ZNF585B: variants seen among roughly 807,000 people sequenced by gnomAD.
The protein encoded by ZNF585B is zinc finger protein 585B.
In ZNF585B, 7 loss-of-function variants were observed where a neutral mutation model predicts 14.0. That is an observed-to-expected ratio of 0.50 (90% CI 0.28 to 0.94). ZNF585B has a LOEUF of 0.94. Among genes scored for constraint, ZNF585B ranks in the 40% least tolerant of loss-of-function variants. The pLI is 0.09. For missense variants in ZNF585B, 750 were observed against 924.4 expected (o/e 0.81, Z 2.45); for synonymous variants, 290 against 317.3 (o/e 0.91, Z 0.91).
At chr19:37,209,174 G>C (rs1972618944) in intron 1 of ZNF585B, among the ~76,000 whole-genome samples, 1 of 151,996 alleles carries the variant, frequency 6.6e-6, no homozygotes, top group South Asian at 2.1e-4. Flanking sequence ...GCATGATCTT[G>C]GCTCACTGCG....
Position 37,184,924 on chromosome 19 carries a change from A to G in ZNF585B, c.*303T>C, listed in dbSNP as rs1172558752. The G allele has an allele frequency of 1.5e-5, 7 of 456,450 alleles. No homozygotes were observed. The highest frequency in any genetic ancestry group is 2.7e-5 in the Non-Finnish European group (7 of 260,770). The allele number at this position is 456,450 out of a possible 1,614,324, so 28.3% of individuals were successfully genotyped here. On this transcript the variant is annotated 3_prime_UTR_variant, in exon 5 of 5. Coordinates refer to ENST00000532828, the MANE Select transcript of ZNF585B (RefSeq NM_152279.4). ...TCATTCCCATAATATGATCTTTCTT[A>G]TGAAGAATTTGGTAACAGTATTCTA... is the stretch of plus-strand genomic sequence containing the variant.
chr19:37,189,700 A>C lies in ZNF585B; in HGVS notation c.253T>G (p.Trp85Gly). 6.2e-7 allele frequency: 1 copy of C among 1,613,728 alleles called. No homozygotes were observed. Among genetic ancestry groups the C allele is most frequent in the Non-Finnish European group, 8.5e-7 (1 of 1,180,002 alleles). The change falls in exon 4 of 5, where the codon TGG (tryptophan) becomes GGG (glycine). Residue 85 changes from tryptophan to glycine, a missense_variant. Physicochemically the swap from Trp to Gly is radical, Grantham distance 184. Transcript: ENST00000532828. Reference protein sequence around the residue: ...VVMLEQGKEPWALQGERPRHS... With the variant: ...VVMLEQGKEPGALQGERPRHS... Reference sequence around the variant, plus strand: ...CGTGGCCTCTCACCCTGCAGTGCCCATGGTTCCTTTCCTTGCTCCAACATG... The same window carrying C: ...CGTGGCCTCTCACCCTGCAGTGCCCCTGGTTCCTTTCCTTGCTCCAACATG...
intron 4 of ZNF585B, among the ~76,000 whole-genome samples, chr19:37,187,884 T>C (rs189658610): frequency 2.6e-5 from 4 of 152,234 alleles, no homozygotes; most frequent in Non-Finnish European, 2.9e-5. Flanking sequence ...GATAACACCA[T>C]GGATAGACAT....
At chr19:37,203,307 C>T (rs1388510347) in intron 2 of ZNF585B, among the ~76,000 whole-genome samples, 1 of 151,854 alleles carries the variant, frequency 6.6e-6, no homozygotes, top group South Asian at 2.1e-4. Context: ...CTTTACCACA[C>T]GAACTTTAAA....
chr19:37,208,783 G>A (rs1972614117), intron 1 of ZNF585B, among the ~76,000 whole-genome samples: 1 of 152,160 alleles, frequency 6.6e-6, no homozygotes, highest in Non-Finnish European at 1.5e-5. Context: ...CTTGAGGCCA[G>A]GAGTTCGAGA....
intron 2 of ZNF585B, among the ~76,000 whole-genome samples, chr19:37,201,089 C>CA (rs34379718): frequency 0.44 from 46,974 of 106,398 alleles, 8,943 homozygotes; most frequent in African/African-American, 0.54. Flanking sequence ...GACTCCGTCT[C>CA]AAAAAAAAAA....
intron 4 of ZNF585B, among the ~76,000 whole-genome samples, chr19:37,188,346 C>G (rs915294266): frequency 6.6e-6 from 1 of 152,104 alleles, no homozygotes; most frequent in Non-Finnish European, 1.5e-5. Context: ...GTTAGCTGGG[C>G]GTGGTGGCTC....
chr19:37,188,822 T>C (rs1034872661), intron 4 of ZNF585B, among the ~76,000 whole-genome samples: 2 of 152,114 alleles, frequency 1.3e-5, no homozygotes, highest in African/African-American at 4.8e-5. Context: ...TAAGTGACAA[T>C]GATTCCCAAG....
intron 2 of ZNF585B, among the ~76,000 whole-genome samples, chr19:37,201,940 G>T (rs1204897122): frequency 6.6e-6 from 1 of 151,990 alleles, no homozygotes; most frequent in Admixed American, 6.6e-5. Context: ...TTTGACTTTG[G>T]ACTGGGCTGC....
intron 3 of ZNF585B, 40 bp downstream of exon 3, chr19:37,189,984 A>G: frequency 6.2e-7 from 1 of 1,609,348 alleles, no homozygotes; most frequent in Non-Finnish European, 8.5e-7. Context: ...AAACACTCTC[A>G]GTGAGGCCTC....
intron 2 of ZNF585B, among the ~76,000 whole-genome samples, chr19:37,193,595 C>A (rs953423669): frequency 6.6e-6 from 1 of 151,832 alleles, no homozygotes; most frequent in Non-Finnish European, 1.5e-5. Context: ...CCAGGCAACA[C>A]AGTGAGACCC....
chr19:37,209,244 A>C (rs922202134), intron 1 of ZNF585B, among the ~76,000 whole-genome samples: 2 of 151,964 alleles, frequency 1.3e-5, no homozygotes, highest in African/African-American at 4.8e-5. Context: ...AGTTGGGATT[A>C]CAGGCACCCA....
chr19:37,187,122 A>T lies in ZNF585B; in HGVS notation c.415T>A (p.Phe139Ile), dbSNP rs1262484772. 8 of 1,613,974 alleles carry T rather than the reference A, an allele frequency of 5.0e-6. No individual in the cohort carries two copies. The African/African-American group carries it at 1.1e-4, about 22-fold the overall frequency. The change falls in exon 5 of 5, where the codon TTC becomes ATC. Residue 139 changes from phenylalanine to isoleucine, a missense_variant. By Grantham distance (21) the Phe-to-Ile change is conservative (BLOSUM62 0). Coordinates refer to ENST00000532828, the MANE Select transcript of ZNF585B (RefSeq NM_152279.4). ...ACCTTGAACTGTGACTTCCAGGTGA[A>T]GCTCTTTCCAAATTCAGCACACTCA... ...SYECAEFGKS[F>I]TWKSQFKVHL...
At chr19:37,191,786 C>A (rs2145434854) in intron 2 of ZNF585B, among the ~76,000 whole-genome samples, 1 of 152,206 alleles carries the variant, frequency 6.6e-6, no homozygotes, top group East Asian at 1.9e-4. Flanking sequence ...GTAATCCCAT[C>A]ACTTTGGGAC....
intron 2 of ZNF585B, among the ~76,000 whole-genome samples, chr19:37,203,616 G>A (rs917497168): frequency 6.6e-6 from 1 of 152,064 alleles, no homozygotes; most frequent in African/African-American, 2.4e-5. Flanking sequence ...TTGTGCAAGA[G>A]CCTTTCTGTT....
rs760198520 is a variant in ZNF585B at position 37,190,853 on chromosome 19, C to T, written c.73-703G>A. Among the ~76,000 whole-genome samples, 93 of 152,254 alleles carry T rather than the reference C, an allele frequency of 6.1e-4. 1 individual carries two copies. Among genetic ancestry groups the T allele is most frequent in the Non-Finnish European group, 3.2e-4 (22 of 68,020 alleles). ...TGCTGGGATTACAGGAGTGAGCCAC[C>T]GCGCCTGGCCAATTTACTTCCTTTT... is the stretch of plus-strand genomic sequence containing the variant. On this transcript the variant is annotated intron_variant, in intron 2 of 4. Coordinates refer to ENST00000532828, the MANE Select transcript of ZNF585B (RefSeq NM_152279.4).
chr19:37,190,319 T>G, intron 2 of ZNF585B, 169 bp from the exon 3 acceptor site: 1 of 838,082 alleles, frequency 1.2e-6, no homozygotes, highest in Non-Finnish European at 1.7e-6. Context: ...GATCTTGGCT[T>G]ACTGCAACCT....
In ZNF585B at chr19:37,183,791, A is replaced by G. The variant is rs1030328496; in HGVS notation, c.*1436T>C. 1 of 152,212 alleles carries G rather than the reference A, an allele frequency of 6.6e-6. No individual in the cohort carries two copies. The highest frequency in any genetic ancestry group is 2.4e-5 in the African/African-American group (1 of 41,444). 9.4% of individuals were successfully genotyped at this position (152,212 alleles called of 1,614,324 possible). A position where few individuals can be genotyped will look rare whatever the true frequency, so the allele number is the denominator to read the frequency against. On this transcript the variant is annotated 3_prime_UTR_variant, in exon 5 of 5. Coordinates refer to ENST00000532828, the MANE Select transcript of ZNF585B (RefSeq NM_152279.4). ...TGAACATATGGTGGGGTTGGTTTTC[A>G]TATGAGTTATCAATTTCATATGATT...
intron 2 of ZNF585B, 124 bp from the exon 3 acceptor site, chr19:37,190,274 C>T: frequency 7.1e-7 from 1 of 1,402,962 alleles, no homozygotes; most frequent in Non-Finnish European, 9.5e-7. Flanking sequence ...TTGAGACAGT[C>T]TTGCTCTGTT....
Sources: allele counts gnomAD v4.1 joint callset (sites outside exome capture counted in the v4.1 genomes callset), GRCh38; gene constraint gnomAD v4.1.1; transcripts MANE v1.5; gene names NCBI Gene and HGNC (gene_info 2026-07-23, HGNC 2026-07-21).